The following CHD3 variants were observed in gnomAD, a reference collection of about 807,000 sequenced individuals.
CHD3 encodes the protein chromodomain helicase DNA binding protein 3, also known as ATP-dependent chromatin remodeler CHD3.
A neutral mutation model predicts 248.9 loss-of-function variants in CHD3; 52 were observed. The ratio of observed to expected loss-of-function variants is 0.21; its 90% CI spans 0.17 to 0.26. CHD3 has a LOEUF of 0.26. CHD3 is among the 10% of genes least tolerant of loss of function. CHD3 has a pLI of 1.00. For missense variants in CHD3, 1,482 were observed against 2,605.8 expected (o/e 0.57, Z 9.39); for synonymous variants, 985 against 985.2 (o/e 1.00, Z 0.00).
chr17:7,893,720 G>A, intron 5 of CHD3, 85 bp from the exon 6 acceptor site: 6 of 1,554,506 alleles, frequency 3.9e-6, no homozygotes, highest in Non-Finnish European at 5.2e-6. Flanking sequence ...GCCCACAGAG[G>A]AATCCAGAGG....
chr17:7,907,272 G>A lies in CHD3; in HGVS notation c.4788+25G>A. 1 of 1,614,174 alleles carries A rather than the reference G, an allele frequency of 6.2e-7. No individual in the cohort carries two copies. Among genetic ancestry groups the A allele is most frequent in the Non-Finnish European group, 8.5e-7 (1 of 1,179,988 alleles). The stretch of plus-strand genomic sequence containing the variant: ...GGTGTGTGGCTCCCTGGATTCCCCT[G>A]TGGAGCGGGAGGGGAGGGGGCTTGG... On this transcript the variant is annotated intron_variant, in intron 31 of 39. Transcript: ENST00000330494. This position sits in a 1 kb window ranked among gnomAD's most constrained non-coding sequence, Gnocchi z 4.3.
chr17:7,906,289 G>C lies in CHD3; in HGVS notation c.4359-264G>C. 1 of 684,824 alleles carries C rather than the reference G, an allele frequency of 1.5e-6. No individual in the cohort carries two copies. The allele number at this position is 684,824 out of a possible 1,614,324, so 42.4% of individuals were successfully genotyped here. A position where few individuals can be genotyped will look rare whatever the true frequency, so the allele number is the denominator to read the frequency against. On this transcript the variant is annotated intron_variant, in intron 28 of 39. Transcript: ENST00000330494. This position sits in a 1 kb window ranked among gnomAD's most constrained non-coding sequence, Gnocchi z 5.0. ...TGACCACAATAACCTGGCAGGAGGA[G>C]CTGGTGGAAAGGATGAAGAGCTGAC...
In CHD3 at chr17:7,889,211, A is replaced by T; in HGVS notation, c.100+111A>T. The T allele has an allele frequency of 7.3e-7, 1 of 1,368,592 alleles. No individual in the cohort carries two copies. The highest frequency in any genetic ancestry group is 1.0e-6 in the Non-Finnish European group (1 of 986,210). 84.8% of individuals were successfully genotyped at this position (1,368,592 alleles called of 1,614,324 possible). A position where few individuals can be genotyped will look rare whatever the true frequency, so the allele number is the denominator to read the frequency against. On this transcript the variant is annotated intron_variant, in intron 1 of 39. Transcript: ENST00000330494. The surrounding 1 kb of genome is among the most constrained non-coding windows in gnomAD (Gnocchi z 4.5). ...TGTCCACCTTTGGCTCTCCCTCCCC[A>T]GCATCTGGCTTAGGGAGCTGCCAGC...
Position 7,895,287 on chromosome 17 carries a change from G to A in CHD3, c.1504-52G>A. On this transcript the variant is annotated intron_variant, in intron 9 of 39. Transcript: ENST00000330494. This position sits in a 1 kb window ranked among gnomAD's most constrained non-coding sequence, Gnocchi z 4.9. ...GACCCCTATCTTCTCATCTAACAAT[G>A]GGTTCTTTCTGCCTCTTTCTTTCCT... 6.2e-7 allele frequency: 1 copy of A among 1,602,194 alleles called. No homozygotes were observed. The highest frequency in any genetic ancestry group is 1.1e-5 in the South Asian group (1 of 90,048).
chr17:7,890,169 G>A (rs191081704), intron 2 of CHD3, among the ~76,000 whole-genome samples: 19 of 152,250 alleles, frequency 1.2e-4, no homozygotes, highest in Middle Eastern at 3.4e-3. Flanking sequence ...AGTGGCTCAC[G>A]CCTGTAATCC....
In CHD3 at chr17:7,895,037, G is replaced by C; in HGVS notation, c.1390G>C (p.Asp464His). Residue 464 changes from aspartate (D) to histidine (H), a missense_variant, in exon 9 of 40, where the codon GAC (aspartate) becomes CAC (histidine). Physicochemically the swap from Asp to His is moderately conservative, Grantham distance 81. Coordinates refer to ENST00000330494, the MANE Select transcript of CHD3 (RefSeq NM_001005273.3). This position sits in a 1 kb window ranked among gnomAD's most constrained non-coding sequence, Gnocchi z 4.9. ...DHMEYCRVCK[D>H]GGELLCCDAC... ...CATGGAGTACTGCCGCGTATGCAAG[G>C]ACGGCGGGGAGCTCCTGTGCTGTGA... is the stretch of plus-strand genomic sequence containing the variant. 6.2e-7 allele frequency: 1 copy of C among 1,614,152 alleles called. No individual in the cohort carries two copies. The highest frequency in any genetic ancestry group is 8.5e-7 in the Non-Finnish European group (1 of 1,180,016).
chr17:7,905,075 C>T lies in CHD3; in HGVS notation c.4073-25C>T. On this transcript the variant is annotated intron_variant, in intron 25 of 39. Coordinates refer to ENST00000330494, the MANE Select transcript of CHD3 (RefSeq NM_001005273.3). This position sits in a 1 kb window ranked among gnomAD's most constrained non-coding sequence, Gnocchi z 5.8. ...GCATATCCCGAGAGCCCTCCCTGAC[C>T]ACTGGGCCCTTTCCACCCCCACAGA... 6.2e-7 allele frequency: 1 copy of T among 1,611,886 alleles called. No homozygotes were observed. Among genetic ancestry groups the T allele is most frequent in the Non-Finnish European group, 8.5e-7 (1 of 1,177,980 alleles).
chr17:7,899,223 GA>G lies in CHD3; in HGVS notation c.2343+23del, dbSNP rs1970032618. 1 of 1,609,254 alleles carries G rather than the reference GA, an allele frequency of 6.2e-7. No individual in the cohort carries two copies. Among genetic ancestry groups the G allele is most frequent in the East Asian group, 2.2e-5 (1 of 44,768 alleles). On this transcript the variant is annotated intron_variant, in intron 14 of 39. Transcript: ENST00000330494. This position sits in a 1 kb window ranked among gnomAD's most constrained non-coding sequence, Gnocchi z 6.8. The stretch of plus-strand genomic sequence containing the variant: ...AGGAGGTGCTGGATTCTAGGACCTT[GA>G]AGGGGACCGCCTGGACTGGGGAAGT...
intron 3 of CHD3, 74 bp from the exon 4 acceptor site, chr17:7,890,866 G>A: frequency 6.2e-7 from 1 of 1,600,150 alleles, no homozygotes; most frequent in Non-Finnish European, 8.5e-7. Context: ...CTAGTGGGTA[G>A]GTAGACAGGC....
Position 7,907,162 on chromosome 17 carries a change from G to A in CHD3, c.4703G>A (p.Arg1568Lys). 1 of 1,614,210 alleles carries A rather than the reference G, an allele frequency of 6.2e-7. No individual in the cohort carries two copies. Among genetic ancestry groups the A allele is most frequent in the Non-Finnish European group, 8.5e-7 (1 of 1,180,026 alleles). Residue 1568 changes from arginine to lysine, a missense_variant, in exon 31 of 40, where the codon AGG becomes AAG. By Grantham distance (26) the Arg-to-Lys change is conservative. This residue lies in a region of CHD3 where 254 missense variants were observed against 266.7 expected (regional missense o/e 0.95). Coordinates refer to ENST00000330494, the MANE Select transcript of CHD3 (RefSeq NM_001005273.3). The surrounding 1 kb of genome is among the most constrained non-coding windows in gnomAD (Gnocchi z 4.3). ...CCAAGTGAGAAAGGAGAAGGCATAA[G>A]GACACCTCTTGAGAAGGAGGAAGCT... ...PAPSEKGEGI[R>K]TPLEKEEAEN...
At chr17:7,894,692 C>A in intron 8 of CHD3, 84 bp downstream of exon 8, 1 of 1,450,186 alleles carries the variant, frequency 6.9e-7, no homozygotes, top group Non-Finnish European at 9.4e-7. Context: ...CTCTTCCTGC[C>A]CCCAGATGGC....
Position 7,909,622 on chromosome 17 carries a change from G to A in CHD3, c.5590+284G>A. On this transcript the variant is annotated intron_variant, in intron 37 of 39. Transcript: ENST00000330494. The surrounding 1 kb of genome is among the most constrained non-coding windows in gnomAD (Gnocchi z 8.1). ...CTCCACACAGTGGGGCCTCTTCACT[G>A]GCAGTGGAACTGCATGCCTGCCATA... 4.1e-6 allele frequency: 2 copies of A among 491,280 alleles called. No individual in the cohort carries two copies. Among genetic ancestry groups the A allele is most frequent in the East Asian group, 7.1e-5 (2 of 28,164 alleles). The allele number at this position is 491,280 out of a possible 1,614,324, so 30.4% of individuals were successfully genotyped here. A position where few individuals can be genotyped will look rare whatever the true frequency, so the allele number is the denominator to read the frequency against.
rs1191059807 is a variant in CHD3, at chr17:7,907,123, C to A, written c.4667-3C>A. 6.2e-7 allele frequency: 1 copy of A among 1,614,164 alleles called. No individual in the cohort carries two copies. Among genetic ancestry groups the A allele is most frequent in the Non-Finnish European group, 8.5e-7 (1 of 1,180,012 alleles). ...GTCTTTATCACTGTGCCTTCCCCTG[C>A]AGCTACTCCAGCTCCAAGTGAGAAA... On this transcript the variant is annotated splice_region_variant and splice_polypyrimidine_tract_variant and intron_variant, in intron 30 of 39. Coordinates refer to ENST00000330494, the MANE Select transcript of CHD3 (RefSeq NM_001005273.3). This position sits in a 1 kb window ranked among gnomAD's most constrained non-coding sequence, Gnocchi z 4.3.
intron 10 of CHD3, among the ~76,000 whole-genome samples, 159 bp from the exon 11 acceptor site, chr17:7,896,924 A>G (rs1969751461): frequency 6.6e-6 from 1 of 151,920 alleles, no homozygotes; most frequent in African/African-American, 2.4e-5. Context: ...CTCCTAAAGC[A>G]CTGGGATTAC....
rs377216305 is a variant in CHD3, at chr17:7,906,010, G to C, written c.4358+21G>C. On this transcript the variant is annotated intron_variant, in intron 28 of 39. Transcript: ENST00000330494. This position sits in a 1 kb window ranked among gnomAD's most constrained non-coding sequence, Gnocchi z 5.0. Reference sequence around the variant, plus strand: ...TTTAAGTGAGTGTGGGTGATACAGGGCTGAGTTGGACGCAAGGGGAAGAGC... The same window carrying C: ...TTTAAGTGAGTGTGGGTGATACAGGCCTGAGTTGGACGCAAGGGGAAGAGC... The C allele has an allele frequency of 5.6e-6, 9 of 1,612,940 alleles. No homozygotes were observed. In the African/African-American group the frequency reaches 1.2e-4, roughly 21 times the overall value.
Position 7,906,487 on chromosome 17 carries a change from C to T in CHD3, c.4359-66C>T. The T allele has an allele frequency of 1.3e-6, 2 of 1,567,418 alleles. No individual in the cohort carries two copies. The highest frequency in any genetic ancestry group is 3.5e-5 in the Admixed American group (2 of 56,964). ...TGGGGGTCCTCAGTCATCCTCGCGC[C>T]TCCCTCACTGCCCTATACCCCTTCT... On this transcript the variant is annotated intron_variant, in intron 28 of 39. Transcript: ENST00000330494. The surrounding 1 kb of genome is among the most constrained non-coding windows in gnomAD (Gnocchi z 5.0).
Position 7,904,007 on chromosome 17 carries a change from G to C in CHD3, c.3894+16G>C. ...AGAAGACAAGGTGAGAGGCTTTGGGGGCCAGACATTATCTATCCCAGGCCA... is the reference window on the plus strand; with the variant it reads ...AGAAGACAAGGTGAGAGGCTTTGGGCGCCAGACATTATCTATCCCAGGCCA... On this transcript the variant is annotated intron_variant, in intron 24 of 39. Coordinates refer to ENST00000330494, the MANE Select transcript of CHD3 (RefSeq NM_001005273.3). This position sits in a 1 kb window ranked among gnomAD's most constrained non-coding sequence, Gnocchi z 4.4. 1 of 1,612,026 alleles carries C rather than the reference G, an allele frequency of 6.2e-7. No individual in the cohort carries two copies. Among genetic ancestry groups the C allele is most frequent in the Non-Finnish European group, 8.5e-7 (1 of 1,178,812 alleles).
chr17:7,891,772 A>T (rs1003371444), intron 4 of CHD3, among the ~76,000 whole-genome samples: 1 of 152,054 alleles, frequency 6.6e-6, no homozygotes, highest in African/African-American at 2.4e-5. Context: ...AAGGCAGGAG[A>T]ATCGCTTGAA....
In CHD3 at chr17:7,911,430, G is replaced by C; in HGVS notation, c.5882-34G>C. 1 of 1,613,962 alleles carries C rather than the reference G, an allele frequency of 6.2e-7. No homozygotes were observed. Among genetic ancestry groups the C allele is most frequent in the Non-Finnish European group, 8.5e-7 (1 of 1,179,924 alleles). ...TGAAGTGACGTTTGAGAGTGATCTG[G>C]AGATTGATCTTTCCTTACCCCTTTC... On this transcript the variant is annotated intron_variant, in intron 39 of 39. Transcript: ENST00000330494. This position sits in a 1 kb window ranked among gnomAD's most constrained non-coding sequence, Gnocchi z 5.4.
Sources: gnomAD v4.1 joint callset for allele counts (sites outside exome capture counted in the v4.1 genomes callset) on GRCh38, gnomAD v4.1.1 for gene constraint, gnomAD v4.1.1 regional missense constraint, Gnocchi (gnomAD v3.1) non-coding constraint, MANE v1.5 for transcripts, NCBI Gene and HGNC (gene_info 2026-07-23, HGNC 2026-07-21) for gene names.